The following QTMAN variants were observed in gnomAD, a reference collection of about 807,000 sequenced individuals.
The protein encoded by QTMAN is tRNA-queuosine alpha-mannosyltransferase.
the QTMAN span, among the ~76,000 whole-genome samples, chr2:144,302,609 T>A: frequency 6.6e-6 from 1 of 152,190 alleles, no homozygotes; most frequent in Admixed American, 6.5e-5. Flanking sequence ...GCTGTTTCAG[T>A]CAATATTCAA....
the QTMAN span, among the ~76,000 whole-genome samples, chr2:144,288,890 T>C: frequency 1.3e-5 from 2 of 151,990 alleles, no homozygotes; most frequent in East Asian, 1.9e-4. Flanking sequence ...AATATGTTTG[T>C]TGAATGAATT....
the QTMAN span, among the ~76,000 whole-genome samples, chr2:144,283,229 G>C: frequency 1.6e-4 from 25 of 152,276 alleles, no homozygotes; most frequent in African/African-American, 5.5e-4. Context: ...GTCTGAAGTG[G>C]GGGACAATCT....
the QTMAN span, among the ~76,000 whole-genome samples, chr2:144,253,278 A>G: frequency 6.6e-6 from 1 of 152,158 alleles, no homozygotes; most frequent in Admixed American, 6.5e-5. Context: ...TAAATTACCC[A>G]GTCTTGGGTA....
chr2:143,984,429 T>A, the QTMAN span, among the ~76,000 whole-genome samples: 1 of 152,134 alleles, frequency 6.6e-6, no homozygotes, highest in Admixed American at 6.5e-5. Context: ...ACTCCTTGAG[T>A]GCAAGACCAA....
chr2:144,082,344 T>C, the QTMAN span, among the ~76,000 whole-genome samples: 1 of 152,240 alleles, frequency 6.6e-6, no homozygotes, highest in East Asian at 1.9e-4. Context: ...AACATTTGGC[T>C]ACCAAAAGCC....
At chr2:144,260,085 C>T in the QTMAN span, among the ~76,000 whole-genome samples, 1 of 151,966 alleles carries the variant, frequency 6.6e-6, no homozygotes, top group Non-Finnish European at 1.5e-5. Context: ...ATGTAGTTAA[C>T]TTTTAAAATG....
the QTMAN span, among the ~76,000 whole-genome samples, chr2:143,949,217 G>A: frequency 2.4e-4 from 36 of 152,028 alleles, no homozygotes; most frequent in Admixed American, 2.3e-3. Context: ...TTTCAGGTGG[G>A]AAGTCATGGA....
chr2:144,309,453 A>C, the QTMAN span, among the ~76,000 whole-genome samples: 1 of 152,222 alleles, frequency 6.6e-6, no homozygotes, highest in Non-Finnish European at 1.5e-5. Context: ...GGAACAAACT[A>C]ATGACACATA....
chr2:144,174,516 A>G, the QTMAN span, among the ~76,000 whole-genome samples: 1 of 152,186 alleles, frequency 6.6e-6, no homozygotes, highest in Non-Finnish European at 1.5e-5. Context: ...TTGGAACCAG[A>G]AGGCTTCCAA....
chr2:144,165,365 C>T, the QTMAN span, among the ~76,000 whole-genome samples: 8 of 150,656 alleles, frequency 5.3e-5, no homozygotes, highest in African/African-American at 1.7e-4. Flanking sequence ...AGTGAGACTC[C>T]GTCTCAAAAA....
chr2:144,132,257 A>C, the QTMAN span, among the ~76,000 whole-genome samples: 1 of 151,998 alleles, frequency 6.6e-6, no homozygotes, highest in African/African-American at 2.4e-5. Flanking sequence ...ATTTCATTAC[A>C]CCTAATTTTT....
At chr2:144,168,581 C>T in the QTMAN span, among the ~76,000 whole-genome samples, 1 of 152,008 alleles carries the variant, frequency 6.6e-6, no homozygotes, top group African/African-American at 2.4e-5. Flanking sequence ...ATAATCAGTA[C>T]ATAGAGACTA....
the QTMAN span, among the ~76,000 whole-genome samples, chr2:144,159,363 G>A: frequency 2.0e-5 from 3 of 151,962 alleles, no homozygotes; most frequent in African/African-American, 7.2e-5. Flanking sequence ...AAGCTGGTTG[G>A]GAGCCACTTT....
chr2:143,946,642 G>C, the QTMAN span: 2 of 159,990 alleles, frequency 1.3e-5, no homozygotes, highest in Non-Finnish European at 2.7e-5. Flanking sequence ...GGCTGCCATC[G>C]TGTCGGCGAA....
chr2:144,296,838 T>C, the QTMAN span, among the ~76,000 whole-genome samples: 12 of 152,150 alleles, frequency 7.9e-5, no homozygotes, highest in African/African-American at 2.9e-4. Flanking sequence ...ACTCGGTCTC[T>C]CCTGCACTTC....
chr2:143,980,637 A>G, the QTMAN span, among the ~76,000 whole-genome samples: 1 of 152,200 alleles, frequency 6.6e-6, no homozygotes, highest in South Asian at 2.1e-4. Context: ...ATAACACTTA[A>G]AAACTAAACT....
At chr2:144,265,787 A>T in the QTMAN span, among the ~76,000 whole-genome samples, 6 of 152,270 alleles carry the variant, frequency 3.9e-5, no homozygotes, top group African/African-American at 1.2e-4. Context: ...GTTACAGCTC[A>T]AATGTCCATT....
At chr2:144,330,663 A>G in the QTMAN span, among the ~76,000 whole-genome samples, 930 of 152,356 alleles carry the variant, frequency 6.1e-3, 14 homozygotes, top group African/African-American at 0.021. Flanking sequence ...TAAATTAAGG[A>G]AAAAAATTTC....
the QTMAN span, among the ~76,000 whole-genome samples, chr2:144,077,063 A>G: frequency 3.3e-5 from 5 of 151,442 alleles, no homozygotes; most frequent in African/African-American, 9.8e-5. Context: ...AAAAAAAAAA[A>G]AGAGAGATTA....
Sources: gnomAD v4.1 joint callset for allele counts (sites outside exome capture counted in the v4.1 genomes callset) on GRCh38, gnomAD v4.1.1 for gene constraint, MANE v1.5 for transcripts, NCBI Gene and HGNC (gene_info 2026-07-23, HGNC 2026-07-21) for gene names.